SOS1: variants seen among roughly 807,000 people sequenced by gnomAD.
The protein encoded by SOS1 is son of sevenless homolog 1.
In SOS1, 25 loss-of-function variants were observed where a neutral mutation model predicts 157.6. The observed-to-expected ratio is 0.16, with a 90% CI of 0.12 to 0.22. The LOEUF is 0.22. SOS1 is among the 10% of genes least tolerant of loss of function. The probability of loss-of-function intolerance (pLI) is 1.00; values close to 1 mark genes in which losing one functional copy is unlikely to be tolerated. For missense variants in SOS1, 1,237 were observed against 1,599.1 expected (o/e 0.77, Z 3.86); for synonymous variants, 528 against 534.0 (o/e 0.99, Z 0.16).
At chr2:39,023,745 G>A (rs976122443) in intron 9 of SOS1, 12 of 393,938 alleles carry the variant, frequency 3.0e-5, no homozygotes, top group South Asian at 9.2e-5. Context: ...AAATCTACCC[G>A]ATACATTTTA....
intron 1 of SOS1, among the ~76,000 whole-genome samples, chr2:39,094,016 A>G (rs1183792795): frequency 6.6e-6 from 1 of 152,184 alleles, no homozygotes; most frequent in East Asian, 1.9e-4. Context: ...GTTTTTCTTC[A>G]TATATTTCAA....
intron 17 of SOS1, among the ~76,000 whole-genome samples, chr2:39,003,383 T>G (rs922406314): frequency 5.3e-5 from 8 of 152,150 alleles, no homozygotes; most frequent in Non-Finnish European, 1.0e-4. Context: ...AAATTATACT[T>G]TATCCCCGCT....
chr2:39,036,541 C>T (rs1336774195), intron 6 of SOS1, among the ~76,000 whole-genome samples: 1 of 151,920 alleles, frequency 6.6e-6, no homozygotes, highest in East Asian at 1.9e-4. Context: ...TTTGTAGGGA[C>T]AGGGTTTCTG....
intron 1 of SOS1, among the ~76,000 whole-genome samples, chr2:39,115,811 C>T (rs537420840): frequency 2.9e-4 from 44 of 152,266 alleles, no homozygotes; most frequent in African/African-American, 8.7e-4. Flanking sequence ...CACCTGTTGA[C>T]GAACATTGGA....
chr2:39,009,738 C>CA (rs902281051), intron 15 of SOS1, among the ~76,000 whole-genome samples: 14 of 150,486 alleles, frequency 9.3e-5, no homozygotes, highest in East Asian at 1.9e-4. Context: ...TACAGTACCA[C>CA]AAAAAAAAGG....
chr2:39,019,422 G>C (rs1669724963), intron 10 of SOS1, among the ~76,000 whole-genome samples: 1 of 151,702 alleles, frequency 6.6e-6, no homozygotes, highest in African/African-American at 2.4e-5. Context: ...ATTGCTTTGT[G>C]CTTTCTTACT....
intron 2 of SOS1, among the ~76,000 whole-genome samples, chr2:39,063,926 G>A (rs1671498818): frequency 6.6e-6 from 1 of 151,924 alleles, no homozygotes. Context: ...TCAACCTCCT[G>A]GGCTCAGGCG....
intron 20 of SOS1, chr2:38,992,251 G>C (rs1213306286): frequency 2.4e-4 from 4 of 16,648 alleles, no homozygotes; most frequent in Non-Finnish European, 1.2e-4. Flanking sequence ...CAACTGATAG[G>C]TTTTAAGGGA....
intron 21 of SOS1, among the ~76,000 whole-genome samples, 173 bp downstream of exon 21, chr2:38,989,097 A>G (rs1668640429): frequency 6.6e-6 from 1 of 152,192 alleles, no homozygotes; most frequent in African/African-American, 2.4e-5. Flanking sequence ...TATAAATTTA[A>G]GCAAATCACT....
At chr2:39,070,804 A>G (rs1671768128) in intron 1 of SOS1, among the ~76,000 whole-genome samples, 1 of 152,204 alleles carries the variant, frequency 6.6e-6, no homozygotes, top group African/African-American at 2.4e-5. Flanking sequence ...CAGATTTATA[A>G]AACCACAGAC....
chr2:39,106,612 A>AC (rs1373418608), intron 1 of SOS1, among the ~76,000 whole-genome samples: 10 of 148,766 alleles, frequency 6.7e-5, no homozygotes, highest in Non-Finnish European at 1.2e-4. Flanking sequence ...CAAAAAAAAA[A>AC]ACAAAACATC....
intron 17 of SOS1, among the ~76,000 whole-genome samples, chr2:38,999,303 A>G (rs774834407): frequency 3.3e-5 from 5 of 152,188 alleles, no homozygotes; most frequent in Non-Finnish European, 5.9e-5. Flanking sequence ...GGGTAGAGGA[A>G]GAGTGGCAGG....
At chr2:39,098,121 T>C (rs942581731) in intron 1 of SOS1, 1 of 154,178 alleles carries the variant, frequency 6.5e-6, no homozygotes, top group African/African-American at 2.4e-5. Flanking sequence ...GGCAGCTTCA[T>C]GTTGATGCCA....
intron 1 of SOS1, among the ~76,000 whole-genome samples, chr2:39,095,497 A>C (rs1426880814): frequency 6.6e-6 from 1 of 152,210 alleles, no homozygotes; most frequent in Admixed American, 6.5e-5. Flanking sequence ...AGCCAGGCAA[A>C]ATGTGGCTCA....
intron 6 of SOS1, among the ~76,000 whole-genome samples, chr2:39,044,432 ATCTT>A (rs1411761150): frequency 6.6e-6 from 1 of 152,138 alleles, no homozygotes; most frequent in African/African-American, 2.4e-5. Context: ...GTATCACGTT[ATCTT>A]TCTTCTTTCT....
intron 1 of SOS1, among the ~76,000 whole-genome samples, chr2:39,079,062 CAAAAAAAAAAAA>C (rs10608351): frequency 2.8e-4 from 11 of 39,990 alleles, no homozygotes; most frequent in African/African-American, 1.2e-3. Flanking sequence ...CTCTGTCTCC[CAAAAAAAAAAAA>C]AAAAAAAAAA....
At chr2:39,025,310 C>T (rs895995680) in intron 8 of SOS1, among the ~76,000 whole-genome samples, 9 of 151,966 alleles carry the variant, frequency 5.9e-5, no homozygotes, top group Admixed American at 2.0e-4. Context: ...ACTTGAGATA[C>T]ACAATCATGA....
intron 1 of SOS1, among the ~76,000 whole-genome samples, chr2:39,100,012 C>T (rs952366571): frequency 1.3e-5 from 2 of 152,134 alleles, no homozygotes; most frequent in African/African-American, 2.4e-5. Context: ...CCACTGTGCC[C>T]GGCCAAGACT....
intron 16 of SOS1, among the ~76,000 whole-genome samples, chr2:39,006,751 T>G (rs1669294246): frequency 6.6e-6 from 1 of 152,220 alleles, no homozygotes; most frequent in South Asian, 2.1e-4. Flanking sequence ...ATGTCATTCC[T>G]TACACAATTA....
Sources: gnomAD v4.1 joint callset for allele counts (sites outside exome capture counted in the v4.1 genomes callset) on GRCh38, gnomAD v4.1.1 for gene constraint, MANE v1.5 for transcripts, NCBI Gene and HGNC (gene_info 2026-07-23, HGNC 2026-07-21) for gene names.